The following EVL variants were observed in gnomAD, a reference collection of about 807,000 sequenced individuals.
EVL encodes Enah/Vasp-like.
EVL carries 21 observed loss-of-function variants against 59.6 expected under a neutral mutation model. That is an observed-to-expected ratio of 0.35 (90% CI 0.25 to 0.51). EVL has a LOEUF of 0.51. EVL is among the 20% of genes least tolerant of loss of function. The probability of loss-of-function intolerance (pLI) is 0.97; values close to 1 mark genes in which losing one functional copy is unlikely to be tolerated. For missense variants in EVL, 462 were observed against 546.6 expected (o/e 0.85, Z 1.54); for synonymous variants, 198 against 203.5 (o/e 0.97, Z 0.23).
chr14:100,022,824 G>A (rs779065206), intron 1 of EVL, among the ~76,000 whole-genome samples: 9 of 152,306 alleles, frequency 5.9e-5, no homozygotes, highest in South Asian at 2.1e-4. Flanking sequence ...CCTGAGGTCG[G>A]TGCCATGGTG....
At chr14:100,106,805 A>G (rs1006515859) in intron 3 of EVL, 3 of 398,494 alleles carry the variant, frequency 7.5e-6, no homozygotes, top group African/African-American at 4.1e-5. Flanking sequence ...GAGATAGCAC[A>G]GTGTCTGTCT....
At chr14:100,007,875 A>AG (rs1269602448) in intron 1 of EVL, among the ~76,000 whole-genome samples, 1 of 152,186 alleles carries the variant, frequency 6.6e-6, no homozygotes, top group Non-Finnish European at 1.5e-5. Context: ...TCCCACTATT[A>AG]GGTGTAGGGC....
chr14:100,142,206 A>C (rs1889218299), intron 13 of EVL: 1 of 156,800 alleles, frequency 6.4e-6, no homozygotes, highest in Non-Finnish European at 1.4e-5. Context: ...TGGGCTTCTG[A>C]GGTGACCACT....
chr14:100,131,243 G>A (rs1888417633), intron 7 of EVL, among the ~76,000 whole-genome samples: 1 of 152,222 alleles, frequency 6.6e-6, no homozygotes, highest in Admixed American at 6.5e-5. Flanking sequence ...AGACCAAGCT[G>A]AGGGGAAGCA....
intron 1 of EVL, among the ~76,000 whole-genome samples, chr14:100,046,304 A>T (rs569273326): frequency 6.6e-6 from 1 of 152,210 alleles, no homozygotes; most frequent in Non-Finnish European, 1.5e-5. Flanking sequence ...ATGAGTATAT[A>T]TGAGGCTTAG....
Position 100,141,127 on chromosome 14 carries a change from T to C in EVL, c.1095-53T>C. On this transcript the variant is annotated intron_variant, in intron 11 of 13. Coordinates refer to ENST00000392920, the MANE Select transcript of EVL (RefSeq NM_016337.3). ...TGAGCGGGGCCTCTGCACAGCCAGC[T>C]TTCCCCCACACCTGTCTCCAGCCAG... is the stretch of plus-strand genomic sequence containing the variant. The C allele has an allele frequency of 1.9e-6, 3 of 1,590,254 alleles. No individual in the cohort carries two copies. In the South Asian group the frequency reaches 3.4e-5, roughly 18 times the overall value.
intron 1 of EVL, among the ~76,000 whole-genome samples, chr14:100,056,080 G>C (rs2061727994): frequency 6.6e-6 from 1 of 152,138 alleles, no homozygotes; most frequent in African/African-American, 2.4e-5. Flanking sequence ...AAAGTGCTGG[G>C]ATTACAGGCG....
intron 1 of EVL, among the ~76,000 whole-genome samples, chr14:100,058,041 A>T (rs2061761668): frequency 6.6e-6 from 1 of 152,158 alleles, no homozygotes; most frequent in African/African-American, 2.4e-5. Flanking sequence ...CCTTTCATTC[A>T]CAAACATCCC....
intron 1 of EVL, among the ~76,000 whole-genome samples, chr14:100,031,207 C>T (rs2140217845): frequency 6.6e-6 from 1 of 152,290 alleles, no homozygotes; most frequent in Non-Finnish European, 1.5e-5. Context: ...CAGGCCACTC[C>T]TCAAACCTCT....
At chr14:100,068,929 G>A (rs1315127399) in intron 1 of EVL, among the ~76,000 whole-genome samples, 1 of 152,178 alleles carries the variant, frequency 6.6e-6, no homozygotes, top group African/African-American at 2.4e-5. Flanking sequence ...GGGCCAGCCA[G>A]TTAATTTCGT....
intron 1 of EVL, among the ~76,000 whole-genome samples, chr14:99,993,209 C>T (rs1362204356): frequency 6.6e-6 from 1 of 151,884 alleles, no homozygotes; most frequent in Non-Finnish European, 1.5e-5. Flanking sequence ...AGGCACGTGC[C>T]ACCACGCCTG....
Position 100,109,275 on chromosome 14 carries a change from C to A in EVL, c.358+11617C>A. 3.0e-6 allele frequency: 1 copy of A among 329,340 alleles called. No homozygotes were observed. Among genetic ancestry groups the A allele is most frequent in the Non-Finnish European group, 5.9e-6 (1 of 168,866 alleles). 20.4% of individuals were successfully genotyped at this position (329,340 alleles called of 1,614,324 possible). On this transcript the variant is annotated intron_variant, in intron 3 of 13. Transcript: ENST00000392920. This position sits in a 1 kb window ranked among gnomAD's most constrained non-coding sequence, Gnocchi z 4.3. ...GGCTGCGTCTAAAGGGGCCCCGCCCCTGCCCTCATGCATGTTCTCTCCATA... is the reference window on the plus strand; with the variant it reads ...GGCTGCGTCTAAAGGGGCCCCGCCCATGCCCTCATGCATGTTCTCTCCATA...
intron 1 of EVL, among the ~76,000 whole-genome samples, chr14:100,043,095 C>T (rs1279992525): frequency 6.6e-6 from 1 of 152,084 alleles, no homozygotes; most frequent in East Asian, 1.9e-4. Context: ...GACCTGTTCA[C>T]CATGGAACAA....
At chr14:100,089,898 A>C (rs1243745297) in intron 2 of EVL, among the ~76,000 whole-genome samples, 1 of 152,132 alleles carries the variant, frequency 6.6e-6, no homozygotes, top group Non-Finnish European at 1.5e-5. Context: ...GTACTACTGC[A>C]CTCCAGCCTG....
At chr14:99,984,800 G>A (rs12894115) in intron 1 of EVL, among the ~76,000 whole-genome samples, 7,152 of 152,118 alleles carry the variant, frequency 0.047, 274 homozygotes, top group Non-Finnish European at 0.07. Flanking sequence ...ATTTTTAGTA[G>A]AGACTGAGTT....
At chr14:100,004,778 G>A (rs1390278078) in intron 1 of EVL, among the ~76,000 whole-genome samples, 1 of 151,788 alleles carries the variant, frequency 6.6e-6, no homozygotes, top group Admixed American at 6.6e-5. Context: ...TTATTTCCTG[G>A]TTCCTTTTAC....
intron 1 of EVL, among the ~76,000 whole-genome samples, chr14:100,004,532 C>T (rs1313179675): frequency 6.6e-6 from 1 of 151,874 alleles, no homozygotes; most frequent in African/African-American, 2.4e-5. Context: ...TTTAATTTCT[C>T]TTTAATTTGA....
intron 8 of EVL, chr14:100,134,908 C>T (rs1238671123): frequency 1.3e-5 from 2 of 152,200 alleles, no homozygotes; most frequent in South Asian, 2.1e-4. Flanking sequence ...GGGAGTGCTG[C>T]GGCCACCTCT....
At chr14:100,071,967 A>G (rs1019316898) in intron 1 of EVL, among the ~76,000 whole-genome samples, 3 of 152,202 alleles carry the variant, frequency 2.0e-5, no homozygotes, top group South Asian at 2.1e-4. Flanking sequence ...ATGGCACCCT[A>G]TAAATGATTT....
Sources: gnomAD v4.1 joint callset for allele counts (sites outside exome capture counted in the v4.1 genomes callset) on GRCh38, gnomAD v4.1.1 for gene constraint, Gnocchi (gnomAD v3.1) non-coding constraint, MANE v1.5 for transcripts, NCBI Gene and HGNC (gene_info 2026-07-23, HGNC 2026-07-21) for gene names.